Variants in RAB8B observed in about 807,000 individuals in gnomAD.
The protein encoded by RAB8B is RAB8B, member RAS oncogene family, also known as ras-related protein Rab-8B.
Under a neutral mutation model 32.0 loss-of-function variants are expected in RAB8B, and 11 were observed. The ratio of observed to expected loss-of-function variants is 0.34; its 90% CI spans 0.22 to 0.57. The LOEUF (loss-of-function observed/expected upper bound fraction) is 0.57, where lower values mean the gene tolerates loss of function less well. RAB8B is among the 20% of genes least tolerant of loss of function. The pLI is 0.86. For missense variants in RAB8B, 190 were observed against 258.5 expected, an observed-to-expected ratio of 0.73 and a Z score of 1.82; for synonymous variants, 103 against 89.6, an observed-to-expected ratio of 1.15 and a Z score of -0.85.
In RAB8B at chr15:63,266,743, T is replaced by A. The variant is rs1386947663; in HGVS notation, c.*3124T>A. ...CTGTCTCCATTAATAAATTTAGCTG[T>A]GCAATATAGGTGCGTTTTTGCAGAA... On this transcript the variant is annotated 3_prime_UTR_variant, in exon 8 of 8. Coordinates refer to ENST00000321437, the MANE Select transcript of RAB8B (RefSeq NM_016530.3). 6.6e-6 allele frequency: 1 copy of A among 152,534 alleles called. No individual in the cohort carries two copies. The highest frequency in any genetic ancestry group is 1.5e-5 in the Non-Finnish European group (1 of 68,004). 9.4% of individuals were successfully genotyped at this position (152,534 alleles called of 1,614,324 possible). A position where few individuals can be genotyped will look rare whatever the true frequency, so the allele number is the denominator to read the frequency against.
rs1200000088 is a variant in RAB8B at position 63,255,445 on chromosome 15, C to T, written c.247-62C>T. Reference sequence around the variant, plus strand: ...TTTCTGGAGGGTAGGAGTACATTGACATTATATACTATAACTTTAAATATA... The same window carrying T: ...TTTCTGGAGGGTAGGAGTACATTGATATTATATACTATAACTTTAAATATA... On this transcript the variant is annotated intron_variant, in intron 3 of 7. Coordinates refer to ENST00000321437, the MANE Select transcript of RAB8B (RefSeq NM_016530.3). 7 of 1,160,420 alleles carry T rather than the reference C, an allele frequency of 6.0e-6. No homozygotes were observed. The South Asian group carries it at 9.4e-5, about 16-fold the overall frequency. 71.9% of individuals were successfully genotyped at this position (1,160,420 alleles called of 1,614,324 possible). A position where few individuals can be genotyped will look rare whatever the true frequency, so the allele number is the denominator to read the frequency against.
At chr15:63,252,067 C>T (rs1000488993) in intron 3 of RAB8B, among the ~76,000 whole-genome samples, 1 of 151,788 alleles carries the variant, frequency 6.6e-6, no homozygotes, top group African/African-American at 2.4e-5. Context: ...TAATGTTTCT[C>T]ATAGACCAAC....
chr15:63,195,440 G>C (rs957279203), intron 1 of RAB8B, among the ~76,000 whole-genome samples: 10 of 152,226 alleles, frequency 6.6e-5, no homozygotes, highest in African/African-American at 2.2e-4. Context: ...CTGTTCTGCA[G>C]GCAGCAAGTC....
At chr15:63,255,668 A>T in intron 4 of RAB8B, 84 bp downstream of exon 4, 1 of 1,138,708 alleles carries the variant, frequency 8.8e-7, no homozygotes, top group African/African-American at 1.5e-5. Context: ...AAGGCAGCTG[A>T]GCTGCTTAGA....
intron 1 of RAB8B, among the ~76,000 whole-genome samples, chr15:63,203,765 CT>C (rs1307390492): frequency 4.1e-4 from 63 of 152,306 alleles, no homozygotes; most frequent in African/African-American, 1.5e-3. Context: ...TTTGAATAAC[CT>C]TTCAAGGTCA....
rs986706376 is a variant in RAB8B, at chr15:63,266,196, A to G, written c.*2577A>G. Reference sequence around the variant, plus strand: ...TAAGGTACATGAAGATTTTTGCAGCAGTATTAGTGGTTCAGTGGCTGCACT... The same window carrying G: ...TAAGGTACATGAAGATTTTTGCAGCGGTATTAGTGGTTCAGTGGCTGCACT... On this transcript the variant is annotated 3_prime_UTR_variant, in exon 8 of 8. Coordinates refer to ENST00000321437, the MANE Select transcript of RAB8B (RefSeq NM_016530.3). 1 of 152,594 alleles carries G rather than the reference A, an allele frequency of 6.6e-6. No individual in the cohort carries two copies. Among genetic ancestry groups the G allele is most frequent in the African/African-American group, 2.4e-5 (1 of 41,452 alleles). The allele number at this position is 152,594 out of a possible 1,614,324, so 9.5% of individuals were successfully genotyped here. A position where few individuals can be genotyped will look rare whatever the true frequency, so the allele number is the denominator to read the frequency against.
intron 1 of RAB8B, among the ~76,000 whole-genome samples, chr15:63,220,000 G>T (rs2037830452): frequency 6.6e-6 from 1 of 152,234 alleles, no homozygotes; most frequent in Admixed American, 6.5e-5. Context: ...ATTTGGTTTT[G>T]TGATTGTTGT....
At chr15:63,203,366 A>G (rs1205974366) in intron 1 of RAB8B, among the ~76,000 whole-genome samples, 2 of 152,236 alleles carry the variant, frequency 1.3e-5, no homozygotes, top group African/African-American at 4.8e-5. Context: ...GCCTTGGGCA[A>G]ATTATTCAGT....
intron 2 of RAB8B, 61 bp downstream of exon 2, chr15:63,244,877 G>A: frequency 7.2e-7 from 1 of 1,392,600 alleles, no homozygotes; most frequent in South Asian, 1.2e-5. Flanking sequence ...GGAATTAAAT[G>A]TGAATTGTAA....
rs1359360054 is a variant in RAB8B at position 63,265,563 on chromosome 15, G to A, written c.*1944G>A. 2 of 152,490 alleles carry A rather than the reference G, an allele frequency of 1.3e-5. No individual in the cohort carries two copies. Among genetic ancestry groups the A allele is most frequent in the African/African-American group, 4.8e-5 (2 of 41,392 alleles). The allele number at this position is 152,490 out of a possible 1,614,324, so 9.4% of individuals were successfully genotyped here. ...ACTATTTCCTGAAAAAATCCAAGCA[G>A]TTAACGCTTTCTGGATGGTAACAAA... On this transcript the variant is annotated 3_prime_UTR_variant, in exon 8 of 8. Transcript: ENST00000321437. This position sits in a 1 kb window ranked among gnomAD's most constrained non-coding sequence, Gnocchi z 4.9.
At chr15:63,211,308 A>G (rs1342005831) in intron 1 of RAB8B, among the ~76,000 whole-genome samples, 1 of 152,206 alleles carries the variant, frequency 6.6e-6, no homozygotes, top group Non-Finnish European at 1.5e-5. Context: ...TGTTCCTGAA[A>G]CTACAGCCAG....
At chr15:63,197,257 C>T (rs1274829147) in intron 1 of RAB8B, among the ~76,000 whole-genome samples, 4 of 150,316 alleles carry the variant, frequency 2.7e-5, no homozygotes, top group African/African-American at 9.7e-5. Context: ...GTTTTATTCT[C>T]ATCTTACAGA....
chr15:63,260,768 C>T (rs777416943), intron 6 of RAB8B, among the ~76,000 whole-genome samples: 112 of 151,704 alleles, frequency 7.4e-4, no homozygotes, highest in Non-Finnish European at 1.3e-3. Context: ...AAAAATAATA[C>T]GTGTAATTTA....
chr15:63,189,942 T>G (rs1595729784), intron 1 of RAB8B, among the ~76,000 whole-genome samples, 194 bp downstream of exon 1: 1 of 91,846 alleles, frequency 1.1e-5, no homozygotes, highest in Admixed American at 1.6e-4. Context: ...AGCGGGAACG[T>G]GAGGCTAAGG....
At chr15:63,192,876 T>G (rs2037569347) in intron 1 of RAB8B, among the ~76,000 whole-genome samples, 1 of 152,128 alleles carries the variant, frequency 6.6e-6, no homozygotes, top group African/African-American at 2.4e-5. Flanking sequence ...GGAGGATCAC[T>G]TGAAGCCAGG....
At chr15:63,249,734 T>C in intron 3 of RAB8B, 29 bp downstream of exon 3, 5 of 1,597,788 alleles carry the variant, frequency 3.1e-6, no homozygotes, top group Non-Finnish European at 4.3e-6. Flanking sequence ...TTTGTAACTC[T>C]TCAGGTAGAA....
chr15:63,230,341 G>T lies in RAB8B; in HGVS notation c.125-14415G>T, dbSNP rs576922960. On this transcript the variant is annotated intron_variant, in intron 1 of 7. Transcript: ENST00000321437. ...GCTGAGACAGAGTCTTGCTCTTGTC[G>T]CCCAGGCTGGAGTGCAGTGGCTTGA... 5.3e-5 allele frequency among the ~76,000 whole-genome samples: 8 copies of T among 152,098 alleles called. No individual in the cohort carries two copies. In the East Asian group the frequency reaches 1.5e-3, roughly 29 times the overall value.
chr15:63,229,357 G>A lies in RAB8B; in HGVS notation c.125-15399G>A, dbSNP rs189591176. ...CTAGAGATTTCCAAATGAGTCTTCG[G>A]TATCTTATGTGTCAGTCATTTGGGG... On this transcript the variant is annotated intron_variant, in intron 1 of 7. Coordinates refer to ENST00000321437, the MANE Select transcript of RAB8B (RefSeq NM_016530.3). 5.1e-3 allele frequency among the ~76,000 whole-genome samples: 779 copies of A among 152,296 alleles called. 6 individuals are homozygous for A. Among genetic ancestry groups the A allele is most frequent in the African/African-American group, 0.018 (751 of 41,558 alleles).
intron 3 of RAB8B, among the ~76,000 whole-genome samples, chr15:63,253,454 A>G (rs2038133054): frequency 6.6e-6 from 1 of 152,162 alleles, no homozygotes; most frequent in South Asian, 2.1e-4. Context: ...GAGAGGTGCT[A>G]AAGGATTTTG....
Sources: gnomAD v4.1 joint callset for allele counts (sites outside exome capture counted in the v4.1 genomes callset) on GRCh38, gnomAD v4.1.1 for gene constraint, Gnocchi (gnomAD v3.1) non-coding constraint, MANE v1.5 for transcripts, NCBI Gene and HGNC (gene_info 2026-07-23, HGNC 2026-07-21) for gene names.